Variants in RANBP9 observed in about 807,000 individuals in gnomAD.
The protein encoded by RANBP9 is ran-binding protein 9.
In RANBP9, 15 loss-of-function variants were observed where a neutral mutation model predicts 84.3. The ratio of observed to expected loss-of-function variants is 0.18; its 90% CI spans 0.12 to 0.27. The LOEUF is 0.27. Among genes scored for constraint, RANBP9 ranks in the 10% least tolerant of loss-of-function variants. The pLI is 1.00. For missense variants in RANBP9, 809 were observed against 912.8 expected, an observed-to-expected ratio of 0.89 and a Z score of 1.46; for synonymous variants, 392 against 349.6, an observed-to-expected ratio of 1.12 and a Z score of -1.35.
intron 2 of RANBP9, among the ~76,000 whole-genome samples, chr6:13,683,403 T>TA (rs1766091979): frequency 6.6e-6 from 1 of 152,180 alleles, no homozygotes; most frequent in Non-Finnish European, 1.5e-5. Context: ...TATACAATCT[T>TA]AAAGTTATAT....
In RANBP9 at chr6:13,635,629, AAAAC is replaced by A. The variant is rs770439887; in HGVS notation, c.1674-1081_1674-1078del. On this transcript the variant is annotated intron_variant, in intron 10 of 13. Coordinates refer to ENST00000011619, the MANE Select transcript of RANBP9 (RefSeq NM_005493.3). ...TAAAATTGTTAAGGTAAAAAAAAAA[AAAAC>A]AAGAGATCTAGGGAAAAGGGGGATA... Among the ~76,000 whole-genome samples the A allele has an allele frequency of 2.6e-5, 4 of 151,800 alleles. 1 individual carries two copies. The South Asian group carries it at 8.4e-4, about 32-fold the overall frequency.
At chr6:13,654,108 A>C (rs1330785964) in intron 4 of RANBP9, among the ~76,000 whole-genome samples, 1 of 152,148 alleles carries the variant, frequency 6.6e-6, no homozygotes, top group Admixed American at 6.5e-5. Context: ...AATTACTGAA[A>C]TCTTCACTTT....
At chr6:13,669,278 A>G (rs1765721069) in intron 2 of RANBP9, among the ~76,000 whole-genome samples, 1 of 152,220 alleles carries the variant, frequency 6.6e-6, no homozygotes. Flanking sequence ...TGAAGACTAA[A>G]TGCTGTTAAA....
intron 5 of RANBP9, among the ~76,000 whole-genome samples, chr6:13,648,895 T>C (rs1407222185): frequency 6.6e-6 from 1 of 152,202 alleles, no homozygotes; most frequent in African/African-American, 2.4e-5. Context: ...AATTTAATTG[T>C]ATAATTAAAT....
intron 2 of RANBP9, among the ~76,000 whole-genome samples, chr6:13,659,257 TACACAC>T (rs60255234): frequency 0.036 from 4,677 of 130,592 alleles, 156 homozygotes; most frequent in Admixed American, 0.12. Context: ...CACACACACA[TACACAC>T]ACACACACAC....
intron 13 of RANBP9, among the ~76,000 whole-genome samples, chr6:13,625,217 CA>C (rs1764569029): frequency 1.3e-5 from 2 of 152,196 alleles, no homozygotes; most frequent in Non-Finnish European, 2.9e-5. Context: ...CCTTCTACAG[CA>C]GCCAAACGAG....
In RANBP9 at chr6:13,621,561, C is replaced by G. The variant is rs531477608; in HGVS notation, c.*801G>C. ...CACTACATTTTATTGCAATATAGTA[C>G]TCATTTAAGCACTTAAAAATGGAAG... On this transcript the variant is annotated 3_prime_UTR_variant, in exon 14 of 14. Coordinates refer to ENST00000011619, the MANE Select transcript of RANBP9 (RefSeq NM_005493.3). 1 of 152,612 alleles carries G rather than the reference C, an allele frequency of 6.6e-6. No individual in the cohort carries two copies. The highest frequency in any genetic ancestry group is 1.9e-4 in the East Asian group (1 of 5,184). 9.5% of individuals were successfully genotyped at this position (152,612 alleles called of 1,614,324 possible).
intron 2 of RANBP9, among the ~76,000 whole-genome samples, chr6:13,679,959 C>T (rs978798928): frequency 6.6e-6 from 1 of 151,010 alleles, no homozygotes; most frequent in Non-Finnish European, 1.5e-5. Flanking sequence ...TTAAGAATTA[C>T]AAGGAAAAAA....
intron 5 of RANBP9, among the ~76,000 whole-genome samples, chr6:13,646,917 T>A (rs1193632231): frequency 6.6e-6 from 1 of 152,180 alleles, no homozygotes; most frequent in African/African-American, 2.4e-5. Flanking sequence ...TTAATCACAC[T>A]CAACTTTTTA....
At chr6:13,688,525 T>C (rs1260337315) in intron 2 of RANBP9, among the ~76,000 whole-genome samples, 3 of 152,154 alleles carry the variant, frequency 2.0e-5, no homozygotes, top group African/African-American at 7.2e-5. Context: ...TTCATTTCCC[T>C]TCTTACCTGC....
At chr6:13,623,871 T>C (rs1437278779) in intron 13 of RANBP9, among the ~76,000 whole-genome samples, 2 of 152,186 alleles carry the variant, frequency 1.3e-5, no homozygotes, top group Non-Finnish European at 2.9e-5. Flanking sequence ...TATGTGTCTA[T>C]AGATAATGGT....
Position 13,639,628 on chromosome 6 carries a change from C to A in RANBP9, c.1460G>T (p.Ser487Ile), listed in dbSNP as rs749047213. The A allele has an allele frequency of 1.2e-6, 2 of 1,613,088 alleles. No individual in the cohort carries two copies. Among genetic ancestry groups the A allele is most frequent in the African/African-American group, 2.7e-5 (2 of 74,896 alleles). ...SPRPFSSPSM[S>I]PSHGMNIHNL... is the part of the protein sequence containing the mutation. ...GTGGATATTCATTCCATGGCTGGGG[C>A]TCATACTTGGACTACTAAAAGGTCG... Residue 487 changes from serine (S) to isoleucine (I), a missense_variant, in exon 9 of 14, where the codon AGC (serine) becomes ATC (isoleucine). By Grantham distance (142) the Ser-to-Ile change is moderately radical (BLOSUM62 -2). Around this residue, in one of 5 missense-constraint regions of RANBP9, gnomAD observed 216 missense variants for 329.0 expected, o/e 0.66. Transcript: ENST00000011619.
Position 13,694,493 on chromosome 6 carries a change from G to C in RANBP9, c.683+2292C>G, listed in dbSNP as rs950249647. Among the ~76,000 whole-genome samples, 8 of 152,208 alleles carry C rather than the reference G, an allele frequency of 5.3e-5. 1 individual carries two copies. The highest frequency in any genetic ancestry group is 4.6e-4 in the Admixed American group (7 of 15,282). On this transcript the variant is annotated intron_variant, in intron 2 of 13. Coordinates refer to ENST00000011619, the MANE Select transcript of RANBP9 (RefSeq NM_005493.3). The stretch of plus-strand genomic sequence containing the variant: ...ACCAGTCAACAGTTACCAGGAGCTA[G>C]ATATGGGGAAGGGTTGTCTACAAAA...
intron 1 of RANBP9, among the ~76,000 whole-genome samples, chr6:13,706,037 A>C (rs1391370378): frequency 6.6e-6 from 1 of 152,072 alleles, no homozygotes; most frequent in Non-Finnish European, 1.5e-5. Flanking sequence ...CTGGGGGTAC[A>C]GGTGGGAAAG....
At chr6:13,702,670 G>A (rs1024980995) in intron 1 of RANBP9, among the ~76,000 whole-genome samples, 15 of 151,742 alleles carry the variant, frequency 9.9e-5, no homozygotes, top group African/African-American at 3.6e-4. Flanking sequence ...GCTGACATTA[G>A]AAGCTAAACA....
chr6:13,711,327 A>G lies in RANBP9; in HGVS notation c.179T>C (p.Leu60Ser), dbSNP rs1418721612. The change falls in exon 1 of 14, where the codon TTA (leucine) becomes TCA (serine). Residue 60 changes from leucine to serine, a missense_variant. Transcript: ENST00000011619. ...GAGCAGGGCGGCCGCCGCGGCCCCT[A>G]AGCCTTCGCCGCCCGCACCGCCGCC... Reference protein sequence around the residue: ...SPGGGAGGEGLGAAAAALLLH... With the variant: ...SPGGGAGGEGSGAAAAALLLH... The G allele has an allele frequency of 4.5e-6, 5 of 1,099,160 alleles. No individual in the cohort carries two copies. Among genetic ancestry groups the G allele is most frequent in the Non-Finnish European group, 5.5e-6 (5 of 905,304 alleles). The allele number at this position is 1,099,160 out of a possible 1,614,324, so 68.1% of individuals were successfully genotyped here.
intron 2 of RANBP9, among the ~76,000 whole-genome samples, chr6:13,661,258 A>C (rs1562309183): frequency 6.6e-6 from 1 of 152,228 alleles, no homozygotes. Context: ...CAGAACCTGC[A>C]ATACTCTCAA....
intron 10 of RANBP9, among the ~76,000 whole-genome samples, chr6:13,635,528 C>T (rs567522149): frequency 6.6e-6 from 1 of 151,548 alleles, no homozygotes; most frequent in Non-Finnish European, 1.5e-5. Flanking sequence ...GCAAAAACCA[C>T]TATGCGTAAT....
intron 2 of RANBP9, among the ~76,000 whole-genome samples, chr6:13,696,222 T>C (rs1371204401): frequency 1.3e-5 from 2 of 152,196 alleles, no homozygotes; most frequent in Non-Finnish European, 2.9e-5. Flanking sequence ...AAGTGAATTC[T>C]GATACCCATA....
Sources: gnomAD v4.1 joint callset for allele counts (sites outside exome capture counted in the v4.1 genomes callset) on GRCh38, gnomAD v4.1.1 for gene constraint, gnomAD v4.1.1 regional missense constraint, MANE v1.5 for transcripts, NCBI Gene and HGNC (gene_info 2026-07-23, HGNC 2026-07-21) for gene names.